Variants in CHD7 observed in about 807,000 individuals in gnomAD.
CHD7 encodes chromodomain helicase DNA binding protein 7, also known as ATP-dependent chromatin remodeler CHD7.
A neutral mutation model predicts 307.3 loss-of-function variants in CHD7; 24 were observed. The observed-to-expected ratio is 0.08, with a 90% confidence interval of 0.06 to 0.11. The LOEUF (loss-of-function observed/expected upper bound fraction) is 0.11, where lower values mean the gene tolerates loss of function less well. CHD7 is among the 10% of genes least tolerant of loss of function. The pLI is 1.00. For missense variants in CHD7, 3,106 were observed against 3,727.1 expected, an observed-to-expected ratio of 0.83 and a Z score of 4.34; for synonymous variants, 1,363 against 1,349.9, an observed-to-expected ratio of 1.01 and a Z score of -0.21.
At chr8:60,835,108 A>G (rs1476345080) in intron 15 of CHD7, among the ~76,000 whole-genome samples, 1 of 152,254 alleles carries the variant, frequency 6.6e-6, no homozygotes, top group Non-Finnish European at 1.5e-5. Context: ...AGAGCTAAAC[A>G]CAACAGCTAT....
intron 28 of CHD7, 78 bp downstream of exon 28, chr8:60,851,397 G>C: frequency 9.5e-7 from 1 of 1,058,022 alleles, no homozygotes; most frequent in African/African-American, 1.6e-5. Context: ...GGACTGTCCT[G>C]CTTCATGACA....
chr8:60,794,966 C>A lies in CHD7; in HGVS notation c.2097-20C>A. On this transcript the variant is annotated intron_variant, in intron 3 of 37. Transcript: ENST00000423902. ...AAACACATTAAAAGTGAACACTAAG[C>A]GATCCACTTTGAATTCTAGTAATAA... 1 of 1,606,314 alleles carries A rather than the reference C, an allele frequency of 6.2e-7. No homozygotes were observed. Among genetic ancestry groups the A allele is most frequent in the Non-Finnish European group, 8.5e-7 (1 of 1,176,386 alleles).
chr8:60,679,254 G>T (rs1213565411), intron 1 of CHD7, among the ~76,000 whole-genome samples, 172 bp downstream of exon 1: 1 of 148,314 alleles, frequency 6.7e-6, no homozygotes, highest in Non-Finnish European at 1.5e-5. Context: ...GCCAGCGCAG[G>T]AGCGCAGCGC....
chr8:60,836,700 A>T, intron 16 of CHD7, 117 bp from the exon 17 acceptor site: 1 of 693,450 alleles, frequency 1.4e-6, no homozygotes, highest in Non-Finnish European at 2.3e-6. Context: ...TAGTTCTGTT[A>T]AGTCATATTA....
intron 5 of CHD7, 101 bp from the exon 6 acceptor site, chr8:60,801,427 A>T: frequency 1.2e-6 from 1 of 813,792 alleles, no homozygotes; most frequent in Non-Finnish European, 2.0e-6. Flanking sequence ...CCAGTGACTT[A>T]AAAGGTGTGG....
rs1400550749 is a variant in CHD7 at position 60,711,224 on chromosome 8, G to A, written c.-174-30035G>A. On this transcript the variant is annotated intron_variant, in intron 1 of 37. Coordinates refer to ENST00000423902, the MANE Select transcript of CHD7 (RefSeq NM_017780.4). The stretch of plus-strand genomic sequence containing the variant: ...ATTTTGTACTTAAGGACTTTTAGTA[G>A]TAGGCTTAATTATAGTCCCACATCA... 2.0e-5 allele frequency among the ~76,000 whole-genome samples: 3 copies of A among 152,182 alleles called. No homozygotes were observed. The East Asian group carries it at 5.8e-4, about 29-fold the overall frequency.
At chr8:60,803,708 A>G (rs1812419258) in intron 6 of CHD7, among the ~76,000 whole-genome samples, 1 of 152,232 alleles carries the variant, frequency 6.6e-6, no homozygotes, top group Non-Finnish European at 1.5e-5. Flanking sequence ...ATCCATTAGA[A>G]GGTACTAAAC....
chr8:60,806,362 CA>C (rs1002278780), intron 6 of CHD7, among the ~76,000 whole-genome samples: 2 of 148,338 alleles, frequency 1.3e-5, no homozygotes, highest in African/African-American at 2.5e-5. Context: ...GACTCCGTCT[CA>C]AAAAAAAAGG....
chr8:60,682,930 A>G (rs1009262082), intron 1 of CHD7, among the ~76,000 whole-genome samples: 1 of 152,220 alleles, frequency 6.6e-6, no homozygotes. Context: ...TGATTTCTAC[A>G]TGTAAAAAGT....
intron 6 of CHD7, among the ~76,000 whole-genome samples, 198 bp from the exon 7 acceptor site, chr8:60,808,019 G>A (rs1333976391): frequency 6.6e-6 from 1 of 152,266 alleles, no homozygotes; most frequent in Non-Finnish European, 1.5e-5. Flanking sequence ...ACGTTGAGCA[G>A]AGGTGCGTGC....
At chr8:60,828,868 A>C in intron 14 of CHD7, 62 bp downstream of exon 14, 1 of 1,456,646 alleles carries the variant, frequency 6.9e-7, no homozygotes, top group South Asian at 1.2e-5. Context: ...ATGAAATGGC[A>C]AAGTATTAAG....
At chr8:60,808,137 C>A in intron 6 of CHD7, 80 bp from the exon 7 acceptor site, 1 of 942,662 alleles carries the variant, frequency 1.1e-6, no homozygotes, top group Non-Finnish European at 1.7e-6. Context: ...ATTTTGTGCT[C>A]ATATGGGAGT....
chr8:60,747,982 T>G (rs1269398855), intron 2 of CHD7, among the ~76,000 whole-genome samples: 1 of 152,252 alleles, frequency 6.6e-6, no homozygotes, highest in Non-Finnish European at 1.5e-5. Flanking sequence ...AAGAAGAATC[T>G]TACATATTTC....
intron 2 of CHD7, among the ~76,000 whole-genome samples, chr8:60,754,289 C>T (rs1300930489): frequency 1.3e-5 from 2 of 152,196 alleles, no homozygotes; most frequent in Admixed American, 1.3e-4. Flanking sequence ...ATGATACATA[C>T]TTAACTTCCC....
chr8:60,845,186 T>C, intron 22 of CHD7, 64 bp from the exon 23 acceptor site: 1 of 1,575,516 alleles, frequency 6.3e-7, no homozygotes. Flanking sequence ...CATTAAGCTC[T>C]CTGCCATTGA....
Position 60,856,613 on chromosome 8 carries a change from T to C in CHD7, c.7333T>C (p.Ser2445Pro). The C allele has an allele frequency of 1.9e-6, 3 of 1,614,056 alleles. No individual in the cohort carries two copies. The highest frequency in any genetic ancestry group is 2.5e-6 in the Non-Finnish European group (3 of 1,179,898). The change falls in exon 34 of 38, where the codon TCA becomes CCA. Residue 2445 changes from serine to proline, a missense_variant. Physicochemically the swap from Ser to Pro is moderately conservative, Grantham distance 74. Coordinates refer to ENST00000423902, the MANE Select transcript of CHD7 (RefSeq NM_017780.4). ...TGGACAAGAAAAAGTTGTAGATTTA[T>C]CAAAGGCCTCAAGAGAGGCAACAAG... ...ENGQEKVVDL[S>P]KASREATSST...
rs756074454 is a variant in CHD7, at chr8:60,741,875, G to A, written c.443G>A (p.Arg148Lys). 3 of 1,613,726 alleles carry A rather than the reference G, an allele frequency of 1.9e-6. No homozygotes were observed. Among genetic ancestry groups the A allele is most frequent in the Admixed American group, 1.7e-5 (1 of 60,002 alleles). ...GACAGCAGCTCCATGTGGGGCCCCA[G>A]GGCTGTTCAGGTACCAGACCAGATA... ...FVDSSSMWGP[R>K]AVQVPDQIRA... Residue 148 changes from arginine to lysine, a missense_variant, in exon 2 of 38, where the codon AGG becomes AAG. Arg to Lys is a conservative substitution (Grantham distance 26). Around this residue, in one of 10 missense-constraint regions of CHD7, gnomAD observed 998 missense variants for 1,004.5 expected, o/e 0.99. Transcript: ENST00000423902.
intron 11 of CHD7, 126 bp from the exon 12 acceptor site, chr8:60,822,377 A>C (rs1217590539): frequency 1.1e-6 from 1 of 934,234 alleles, no homozygotes; most frequent in Non-Finnish European, 1.5e-6. Context: ...ATTTTGTTGA[A>C]TCTAAGAGAA....
intron 1 of CHD7, among the ~76,000 whole-genome samples, chr8:60,725,040 C>A (rs937318760): frequency 2.6e-5 from 4 of 152,164 alleles, no homozygotes; most frequent in South Asian, 2.1e-4. Flanking sequence ...GAACTGTTAT[C>A]TTTTACTCCT....
Sources: gnomAD v4.1 joint callset for allele counts (sites outside exome capture counted in the v4.1 genomes callset) on GRCh38, gnomAD v4.1.1 for gene constraint, gnomAD v4.1.1 regional missense constraint, MANE v1.5 for transcripts, NCBI Gene and HGNC (gene_info 2026-07-23, HGNC 2026-07-21) for gene names.